The following TPD52L2 variants were observed in gnomAD, a reference collection of about 807,000 sequenced individuals.
The protein encoded by TPD52L2 is TPD52 like 2, also known as tumor protein D54.
TPD52L2 carries 19 observed loss-of-function variants against 24.7 expected under a neutral mutation model. That is an observed-to-expected ratio of 0.77 (90% CI 0.54 to 1.13). The LOEUF (loss-of-function observed/expected upper bound fraction) is 1.13, where lower values mean the gene tolerates loss of function less well. Among genes scored for constraint, TPD52L2 ranks in the 50% most tolerant of loss-of-function variants. The probability of loss-of-function intolerance (pLI) is 0.00; values close to 1 mark genes in which losing one functional copy is unlikely to be tolerated. For missense variants in TPD52L2, 236 were observed against 250.4 expected, an observed-to-expected ratio of 0.94 and a Z score of 0.39; for synonymous variants, 104 against 100.2, an observed-to-expected ratio of 1.04 and a Z score of -0.23.
chr20:63,867,396 T>C (rs2052292662), intron 1 of TPD52L2, among the ~76,000 whole-genome samples: 1 of 151,992 alleles, frequency 6.6e-6, no homozygotes, highest in Non-Finnish European at 1.5e-5. Flanking sequence ...CAAAACCCCG[T>C]CTCTACTAAA....
intron 4 of TPD52L2, among the ~76,000 whole-genome samples, chr20:63,879,233 G>A (rs1162609517): frequency 1.3e-5 from 2 of 152,186 alleles, no homozygotes; most frequent in Non-Finnish European, 2.9e-5. Context: ...GTTTCTAGAG[G>A]AGGTTCCCTT....
intron 1 of TPD52L2, among the ~76,000 whole-genome samples, chr20:63,867,360 G>GT (rs1379857267): frequency 6.6e-6 from 1 of 152,172 alleles, no homozygotes; most frequent in Non-Finnish European, 1.5e-5. Context: ...GAGGTCAGGA[G>GT]TTTGAGACCA....
At position 63,890,097 on chromosome 20, in the gene TPD52L2, CGTTT is replaced by C; in HGVS notation, c.*154_*157del. 6.8e-7 allele frequency: 1 copy of C among 1,478,444 alleles called. No homozygotes were observed. Among genetic ancestry groups the C allele is most frequent in the South Asian group, 1.3e-5 (1 of 79,276 alleles). 91.6% of individuals were successfully genotyped at this position (1,478,444 alleles called of 1,614,324 possible). On this transcript the variant is annotated 3_prime_UTR_variant, in exon 7 of 7. Transcript: ENST00000346249. ...CATCCACGCGGAGATGTGGCTGCCG[CGTTT>C]GCATGAATTTGAAGAACACAGGCTT...
chr20:63,889,065 A>C, intron 5 of TPD52L2, 125 bp from the exon 6 acceptor site: 2 of 797,950 alleles, frequency 2.5e-6, no homozygotes, highest in Non-Finnish European at 4.3e-6. Context: ...CAGTTTTGCC[A>C]TGAGATCTTG....
chr20:63,871,638 GT>G (rs71333723), intron 2 of TPD52L2, among the ~76,000 whole-genome samples: 18,321 of 132,890 alleles, frequency 0.14, 1,516 homozygotes, highest in Non-Finnish European at 0.19. Context: ...GCAAGAAAGA[GT>G]TTTTTTTTTT....
chr20:63,886,349 T>C (rs896509260), intron 5 of TPD52L2, among the ~76,000 whole-genome samples: 1 of 151,702 alleles, frequency 6.6e-6, no homozygotes, highest in East Asian at 1.9e-4. Context: ...GGCCTGAGTT[T>C]ACTCCTGAAA....
intron 4 of TPD52L2, among the ~76,000 whole-genome samples, chr20:63,881,414 G>A (rs1025325781): frequency 6.6e-6 from 1 of 151,968 alleles, no homozygotes; most frequent in Admixed American, 6.5e-5. Flanking sequence ...GGCCGGGGGC[G>A]GGCATGAGAG....
At chr20:63,871,894 A>G (rs923934020) in intron 2 of TPD52L2, among the ~76,000 whole-genome samples, 1 of 152,046 alleles carries the variant, frequency 6.6e-6, no homozygotes, top group Admixed American at 6.5e-5. Flanking sequence ...TCGGCCTCCC[A>G]AAGTGCTGGG....
chr20:63,889,377 C>T (rs930564004), intron 6 of TPD52L2, 139 bp downstream of exon 6: 11 of 805,426 alleles, frequency 1.4e-5, no homozygotes, highest in Admixed American at 4.1e-5. Flanking sequence ...GTGCCTTTTA[C>T]ACAGTTCTCT....
chr20:63,880,139 A>T (rs1204270578), intron 4 of TPD52L2, among the ~76,000 whole-genome samples: 1 of 29,814 alleles, frequency 3.4e-5, no homozygotes, highest in Non-Finnish European at 6.1e-5. Flanking sequence ...CCCCACTCTT[A>T]GGGCACAAAT....
At chr20:63,887,773 T>C (rs1301318821) in intron 5 of TPD52L2, 3 of 681,714 alleles carry the variant, frequency 4.4e-6, no homozygotes, top group African/African-American at 1.8e-5. Context: ...CCCTCTAGGC[T>C]GACGAGGAAG....
chr20:63,875,616 G>A (rs1333053076), intron 3 of TPD52L2, among the ~76,000 whole-genome samples, 200 bp from the exon 4 acceptor site: 3 of 152,212 alleles, frequency 2.0e-5, no homozygotes, highest in South Asian at 2.1e-4. Context: ...CATCAGTTCC[G>A]CTATACCCAC....
chr20:63,882,515 C>T (rs1377800191), intron 4 of TPD52L2, among the ~76,000 whole-genome samples: 1 of 152,248 alleles, frequency 6.6e-6, no homozygotes, highest in African/African-American at 2.4e-5. Context: ...GAGCAATGCA[C>T]AGGCGGCTCC....
rs1237224372 is a variant in TPD52L2, at chr20:63,891,146, G to C, written c.*1201G>C. On this transcript the variant is annotated 3_prime_UTR_variant, in exon 7 of 7. Transcript: ENST00000346249. This position sits in a 1 kb window ranked among gnomAD's most constrained non-coding sequence, Gnocchi z 4.7. ...CCCAGCAGCCTCTCTCGCACACCGG[G>C]GCCCTGCATGTCAGATGGCGTGGTC... 6.5e-6 allele frequency: 1 copy of C among 152,834 alleles called. No individual in the cohort carries two copies. The highest frequency in any genetic ancestry group is 1.5e-5 in the Non-Finnish European group (1 of 68,084). The allele number at this position is 152,834 out of a possible 1,614,324, so 9.5% of individuals were successfully genotyped here.
intron 4 of TPD52L2, among the ~76,000 whole-genome samples, chr20:63,880,618 C>T (rs925060543): frequency 6.6e-6 from 1 of 152,190 alleles, no homozygotes. Context: ...GGGCTGGGCA[C>T]GGTGGCTCAC....
At chr20:63,886,491 A>C (rs529731989) in intron 5 of TPD52L2, among the ~76,000 whole-genome samples, 7 of 150,886 alleles carry the variant, frequency 4.6e-5, no homozygotes, top group Non-Finnish European at 1.0e-4. Flanking sequence ...CTCTCCGAGT[A>C]GCTGGGACTA....
chr20:63,875,837 A>G lies in TPD52L2; in HGVS notation c.336A>G (p.Lys112=), dbSNP rs1342616084. ...VSSAYVKTSE[K]LGEWNEKVTQ... is the part of the protein sequence containing the mutation. ...TTAGCTATGTGAAAACTTCTGAGAA[A>G]CTTGGAGAGTGGAATGAGAAAGTGA... Residue 112 remains lysine, a synonymous_variant, in exon 4 of 7, where the codon AAA becomes AAG. Coordinates refer to ENST00000346249, the MANE Select transcript of TPD52L2 (RefSeq NM_003288.4). The G allele has an allele frequency of 3.1e-6, 5 of 1,614,170 alleles. No individual in the cohort carries two copies. The South Asian group carries it at 5.5e-5, about 18-fold the overall frequency.
chr20:63,871,638 GTT>G (rs71333723), intron 2 of TPD52L2, among the ~76,000 whole-genome samples: 62 of 132,998 alleles, frequency 4.7e-4, no homozygotes, highest in Non-Finnish European at 6.4e-4. Context: ...GCAAGAAAGA[GTT>G]TTTTTTTTTT....
At chr20:63,866,317 A>G (rs1451553356) in intron 1 of TPD52L2, among the ~76,000 whole-genome samples, 1 of 152,088 alleles carries the variant, frequency 6.6e-6, no homozygotes, top group East Asian at 1.9e-4. Context: ...GTTGCCCAGG[A>G]TGGTCTCGAT....
Sources: allele counts gnomAD v4.1 joint callset (sites outside exome capture counted in the v4.1 genomes callset), GRCh38; gene constraint gnomAD v4.1.1; non-coding constraint Gnocchi (gnomAD v3.1); transcripts MANE v1.5; gene names NCBI Gene and HGNC (gene_info 2026-07-23, HGNC 2026-07-21).